Variants in RAB11FIP4 observed in about 807,000 individuals in gnomAD.
RAB11FIP4 encodes the protein RAB11 family interacting protein 4, also known as rab11 family-interacting protein 4.
Under a neutral mutation model 74.3 loss-of-function variants are expected in RAB11FIP4, and 23 were observed. The observed-to-expected ratio is 0.31, with a 90% CI of 0.22 to 0.44. The LOEUF (loss-of-function observed/expected upper bound fraction) is 0.44. Among genes scored for constraint, RAB11FIP4 ranks in the 20% least tolerant of loss-of-function variants. The pLI is 1.00. For missense variants in RAB11FIP4, 630 were observed against 863.9 expected, an observed-to-expected ratio of 0.73 and a Z score of 3.39; for synonymous variants, 360 against 359.9, an observed-to-expected ratio of 1.00 and a Z score of 0.00.
chr17:31,405,308 C>G (rs558707778), intron 1 of RAB11FIP4, among the ~76,000 whole-genome samples: 4 of 152,160 alleles, frequency 2.6e-5, no homozygotes, highest in Non-Finnish European at 5.9e-5. Context: ...CACTCATAGG[C>G]CTGCCAAGCT....
At chr17:31,517,931 G>A (rs902856062) in intron 4 of RAB11FIP4, 54 bp downstream of exon 4, 10 of 1,432,572 alleles carry the variant, frequency 7.0e-6, no homozygotes, top group Non-Finnish European at 6.7e-6. Context: ...CAGAAATGTG[G>A]TTCTTGGAAA....
chr17:31,524,061 G>T (rs955975575), intron 9 of RAB11FIP4, 65 bp downstream of exon 9: 17 of 1,191,380 alleles, frequency 1.4e-5, no homozygotes, highest in African/African-American at 9.0e-5. Flanking sequence ...GGTCCATCTT[G>T]CTAAGACCTC....
At chr17:31,423,211 G>A (rs34394221) in intron 1 of RAB11FIP4, among the ~76,000 whole-genome samples, 13,981 of 152,192 alleles carry the variant, frequency 0.092, 709 homozygotes, top group Middle Eastern at 0.15. Flanking sequence ...GAGCCACCGC[G>A]CCCAGCCTTT....
At chr17:31,518,012 G>A in intron 4 of RAB11FIP4, 135 bp downstream of exon 4, 1 of 680,656 alleles carries the variant, frequency 1.5e-6, no homozygotes, top group East Asian at 2.7e-5. Context: ...TGGGTATTCT[G>A]AATAGCACAA....
intron 3 of RAB11FIP4, among the ~76,000 whole-genome samples, chr17:31,449,384 A>G (rs559776826): frequency 4.1e-4 from 62 of 152,156 alleles, no homozygotes; most frequent in Non-Finnish European, 7.4e-4. Flanking sequence ...TCCCATGGGC[A>G]GGGAAGCACC....
At chr17:31,472,968 G>C (rs892794667) in intron 3 of RAB11FIP4, among the ~76,000 whole-genome samples, 1 of 152,072 alleles carries the variant, frequency 6.6e-6, no homozygotes, top group African/African-American at 2.4e-5. Flanking sequence ...GGGAGGTGGA[G>C]GTTGCAGTGA....
chr17:31,453,211 C>G (rs1449364483), intron 3 of RAB11FIP4, among the ~76,000 whole-genome samples: 2 of 151,904 alleles, frequency 1.3e-5, no homozygotes, highest in Non-Finnish European at 2.9e-5. Flanking sequence ...AGTAGCCAGG[C>G]ATGGTGGCGT....
At position 31,537,199 on chromosome 17, in the gene RAB11FIP4, A is replaced by G. The variant is rs2072979674; in HGVS notation, c.*5467A>G. On this transcript the variant is annotated 3_prime_UTR_variant, in exon 15 of 15. Transcript: ENST00000621161. ...CATTGCCCACTGCCTCCTTTTCTAC[A>G]TCGTCTCATCTCCCTGGCCTTTCCC... 5.0e-6 allele frequency: 2 copies of G among 399,336 alleles called. No homozygotes were observed. The highest frequency in any genetic ancestry group is 1.3e-3 in the Middle Eastern group (2 of 1,588). 24.7% of individuals were successfully genotyped at this position (399,336 alleles called of 1,614,324 possible).
At chr17:31,450,812 T>TGTGGC (rs201238891) in intron 3 of RAB11FIP4, among the ~76,000 whole-genome samples, 1,722 of 152,196 alleles carry the variant, frequency 0.011, 34 homozygotes, top group African/African-American at 0.035. Context: ...GCGCACCCTC[T>TGTGGC]GCATTTCCAC....
chr17:31,457,101 G>A (rs2071586367), intron 3 of RAB11FIP4, among the ~76,000 whole-genome samples: 2 of 152,166 alleles, frequency 1.3e-5, no homozygotes, highest in Admixed American at 6.6e-5. Context: ...AGTTGCTCAG[G>A]TGAGGGTGGC....
At chr17:31,404,938 C>T (rs1467221191) in intron 1 of RAB11FIP4, among the ~76,000 whole-genome samples, 1 of 152,104 alleles carries the variant, frequency 6.6e-6, no homozygotes, top group Non-Finnish European at 1.5e-5. Context: ...TGAGACCTAC[C>T]TGTGCAGAGG....
Position 31,517,639 on chromosome 17 carries a change from T to G in RAB11FIP4, c.337-12T>G, listed in dbSNP as rs764121186. 1 of 1,589,646 alleles carries G rather than the reference T, an allele frequency of 6.3e-7. No homozygotes were observed. Among genetic ancestry groups the G allele is most frequent in the South Asian group, 1.2e-5 (1 of 86,746 alleles). ...GGCCTCACTTATCTTGTCTCTGCTC[T>G]CTCTTTCCCAGGGCAGCGAGGTCAC... On this transcript the variant is annotated splice_polypyrimidine_tract_variant and intron_variant, in intron 3 of 14. Transcript: ENST00000621161.
At chr17:31,449,060 C>A (rs893161311) in intron 3 of RAB11FIP4, among the ~76,000 whole-genome samples, 1 of 152,112 alleles carries the variant, frequency 6.6e-6, no homozygotes, top group African/African-American at 2.4e-5. Flanking sequence ...CCACTCAGAA[C>A]CCTCAGGGGA....
At chr17:31,392,624 G>A (rs950106991) in intron 1 of RAB11FIP4, 9 of 152,478 alleles carry the variant, frequency 5.9e-5, no homozygotes, top group African/African-American at 2.2e-4. Context: ...GCCAGGCTCG[G>A]GGAGTGGTGG....
intron 3 of RAB11FIP4, among the ~76,000 whole-genome samples, chr17:31,484,089 T>C (rs1172280846): frequency 6.7e-6 from 1 of 149,422 alleles, no homozygotes; most frequent in Non-Finnish European, 1.5e-5. Context: ...TTTTTTTTTT[T>C]TGAGACAGTC....
At chr17:31,463,628 C>G (rs570453412) in intron 3 of RAB11FIP4, among the ~76,000 whole-genome samples, 2 of 151,892 alleles carry the variant, frequency 1.3e-5, no homozygotes, top group Non-Finnish European at 2.9e-5. Flanking sequence ...CTCAGCCTCC[C>G]GAGTAGCTGG....
At chr17:31,436,025 C>T (rs2071353774) in intron 3 of RAB11FIP4, among the ~76,000 whole-genome samples, 1 of 152,240 alleles carries the variant, frequency 6.6e-6, no homozygotes, top group African/African-American at 2.4e-5. Flanking sequence ...AGGACCTCCA[C>T]TGTGGGACAA....
intron 1 of RAB11FIP4, among the ~76,000 whole-genome samples, chr17:31,406,811 TTCTC>T (rs1268791151): frequency 6.6e-6 from 1 of 152,198 alleles, no homozygotes; most frequent in African/African-American, 2.4e-5. Flanking sequence ...GCTTTCCTCT[TTCTC>T]TCTGTTAATC....
rs182304411 is a variant in RAB11FIP4 at position 31,462,533 on chromosome 17, G to A, written c.336+28411G>A. Among the ~76,000 whole-genome samples the A allele has an allele frequency of 2.3e-3, 347 of 152,302 alleles. 1 individual carries two copies. The highest frequency in any genetic ancestry group is 4.2e-3 in the Non-Finnish European group (285 of 68,024). On this transcript the variant is annotated intron_variant, in intron 3 of 14. Transcript: ENST00000621161. ...CTTTCCCGAGGTCTCATAGCTGGCT[G>A]GTTGCAAAGCCTCCACCAGCACTCA...
Sources: gnomAD v4.1 joint callset for allele counts (sites outside exome capture counted in the v4.1 genomes callset) on GRCh38, gnomAD v4.1.1 for gene constraint, MANE v1.5 for transcripts, NCBI Gene and HGNC (gene_info 2026-07-23, HGNC 2026-07-21) for gene names.